The following PSG5 variants were observed in gnomAD, a reference collection of about 807,000 sequenced individuals.
PSG5 encodes pregnancy-specific beta-1-glycoprotein 5.
Under a neutral mutation model 37.7 loss-of-function variants are expected in PSG5, and 53 were observed. The observed-to-expected ratio is 1.41, with a 90% confidence interval of 1.13 to 1.77. PSG5 has a LOEUF of 1.77. Ranked by LOEUF, PSG5 falls within the 40% of genes most tolerant of loss-of-function variation. PSG5 has a pLI of 0.00. For missense variants in PSG5, 547 were observed against 405.2 expected (o/e 1.35, Z -3.00); for synonymous variants, 221 against 155.4 (o/e 1.42, Z -3.14).
rs749877145 is a variant in PSG5 at position 43,184,768 on chromosome 19, G to A, written c.430+14C>T. On this transcript the variant is annotated intron_variant, in intron 2 of 5. Transcript: ENST00000342951. ...CTGTCCCCCAACACCCAGGGATCAT[G>A]TGGAATCACTCACGGTATAAGTTGA... is the stretch of plus-strand genomic sequence containing the variant. The A allele has an allele frequency of 1.9e-6, 3 of 1,611,974 alleles. No homozygotes were observed. The East Asian group carries it at 6.7e-5, about 36-fold the overall frequency.
chr19:43,181,979 C>T (rs961432376), intron 2 of PSG5, among the ~76,000 whole-genome samples: 5 of 151,646 alleles, frequency 3.3e-5, no homozygotes, highest in African/African-American at 1.2e-4. Context: ...CCTGTCCAGC[C>T]TCTGACACCC....
At chr19:43,170,173 G>C (rs150432755) in intron 4 of PSG5, 35 bp from the exon 5 acceptor site, 15,460 of 1,536,184 alleles carry the variant, frequency 0.01, 520 homozygotes, top group African/African-American at 0.07. Context: ...AGGAATGAAG[G>C]TGATGTTATT....
Position 43,186,536 on chromosome 19 carries a change from C to T in PSG5, c.-131G>A. 1.4e-6 allele frequency: 2 copies of T among 1,435,372 alleles called. No individual in the cohort carries two copies. Among genetic ancestry groups the T allele is most frequent in the Non-Finnish European group, 1.9e-6 (2 of 1,068,904 alleles). The allele number at this position is 1,435,372 out of a possible 1,614,324, so 88.9% of individuals were successfully genotyped here. A position where few individuals can be genotyped will look rare whatever the true frequency, so the allele number is the denominator to read the frequency against. On this transcript the variant is annotated 5_prime_UTR_variant, in exon 1 of 6. Transcript: ENST00000342951. Reference sequence around the variant, plus strand: ...CTCTCTCCAGGGCAGGAGCACTTCTCAGGCTCATGGGTGGGGTCAGGCCCA... The same window carrying T: ...CTCTCTCCAGGGCAGGAGCACTTCTTAGGCTCATGGGTGGGGTCAGGCCCA...
At chr19:43,178,992 T>C in intron 2 of PSG5, 3 of 1,612,686 alleles carry the variant, frequency 1.9e-6, no homozygotes, top group Non-Finnish European at 2.5e-6. Flanking sequence ...GAGGGTCCTG[T>C]TGGTTTTGGA....
intron 4 of PSG5, chr19:43,175,010 G>T: frequency 3.4e-6 from 5 of 1,461,330 alleles, no homozygotes; most frequent in Non-Finnish European, 4.6e-6. Context: ...TCTTAGGCCA[G>T]ACACAAGGTC....
Position 43,175,888 on chromosome 19 carries a change from C to A in PSG5, c.691G>T (p.Val231Phe). Residue 231 changes from valine to phenylalanine, a missense_variant, in exon 3 of 6, where the codon GTC (valine) becomes TTC (phenylalanine). Transcript: ENST00000342951. ...TACTCACAGAGGACATTCAGGGTGA[C>A]TGGGTCACTGCGCATGCCACCATCT... The part of the protein sequence containing the change: ...DRDGGMRSDP[V>F]TLNVLYGPDL... The A allele has an allele frequency of 6.2e-7, 1 of 1,612,508 alleles. No homozygotes were observed.
rs1406734524 is a variant in PSG5, at chr19:43,175,316, A to T, written c.863T>A (p.Ile288Asn). 1.2e-6 allele frequency: 2 copies of T among 1,612,706 alleles called. No homozygotes were observed. The highest frequency in any genetic ancestry group is 2.2e-5 in the South Asian group (2 of 91,056). Residue 288 changes from isoleucine (I) to asparagine (N), a missense_variant, in exon 4 of 6, where the codon ATC becomes AAC. Coordinates refer to ENST00000342951, the MANE Select transcript of PSG5 (RefSeq NM_002781.4). ...TCTATGCTTTGTAGTAATTTGGGGGATAGAGAGCTTTTGTCCTGATTGCTG... is the reference window on the plus strand; with the variant it reads ...TCTATGCTTTGTAGTAATTTGGGGGTTAGAGAGCTTTTGTCCTGATTGCTG... ...KFQQSGQKLS[I>N]PQITTKHRGL...
chr19:43,186,379 GC>G lies in PSG5; in HGVS notation c.26del (p.Cys9SerfsTer17). The G allele has an allele frequency of 6.2e-7, 1 of 1,612,344 alleles. No homozygotes were observed. The highest frequency in any genetic ancestry group is 1.3e-5 in the African/African-American group (1 of 74,656). MGPLSAPP[C>X]TQHITWKGLL... ...GCCCCTTCCAGGTGATGTGCTGTGT[GC>G]AGGGAGGGGCTGAGAGGGGCCCCAT... On this transcript the variant is annotated frameshift_variant, in exon 1 of 6. Coordinates refer to ENST00000342951, the MANE Select transcript of PSG5 (RefSeq NM_002781.4). LOFTEE classifies it high-confidence loss of function.
intron 4 of PSG5, chr19:43,170,380 G>A (rs1323570371): frequency 1.1e-5 from 6 of 552,068 alleles, no homozygotes; most frequent in Non-Finnish European, 1.7e-5. Context: ...TATTTTGGAA[G>A]GCTTTCAGAC....
At chr19:43,182,717 T>TTTTTTTTTTTTTTTTTTTTC (rs1969155385) in intron 2 of PSG5, among the ~76,000 whole-genome samples, 1 of 123,014 alleles carries the variant, frequency 8.1e-6, no homozygotes, top group Non-Finnish European at 1.7e-5. Flanking sequence ...TTTTTTTTTT[T>TTTTTTTTTTTTTTTTTTTTC]TTTTTTGTGC....
chr19:43,178,963 T>G lies in PSG5; in HGVS notation c.431-2815A>C, dbSNP rs755740735. The G allele has an allele frequency of 3.1e-6, 5 of 1,612,612 alleles. No individual in the cohort carries two copies. In the South Asian group the frequency reaches 5.5e-5, roughly 18 times the overall value. On this transcript the variant is annotated intron_variant, in intron 2 of 5. Coordinates refer to ENST00000342951, the MANE Select transcript of PSG5 (RefSeq NM_002781.4). The stretch of plus-strand genomic sequence containing the variant: ...CATTCATAGGGTCCTGCAATATACT[T>G]TGTGACACCAAATATAAAGAGGGTC...
rs375767575 is a variant in PSG5 at position 43,185,035 on chromosome 19, A to G, written c.177T>C (p.Pro59=). 105 of 1,612,512 alleles carry G rather than the reference A, an allele frequency of 6.5e-5. 4 individuals are homozygous for G. The highest frequency in any genetic ancestry group is 4.9e-4 in the Middle Eastern group (3 of 6,074). Residue 59 remains proline, a synonymous_variant, in exon 2 of 6, where the codon CCT becomes CCC. Coordinates refer to ENST00000342951, the MANE Select transcript of PSG5 (RefSeq NM_002781.4). The part of the protein sequence containing the change: ...KDVLLLVHNL[P]QNLAGYIWYK... ...ACCAGATGTAGCCAGCAAGATTCTG[A>G]GGCAAATTGTGGACAAGTAGAAGAA...
intron 2 of PSG5, chr19:43,178,930 G>A (rs749690288): frequency 4.0e-5 from 64 of 1,612,752 alleles, no homozygotes; most frequent in Admixed American, 1.3e-4. Context: ...ACTGGGTTCC[G>A]TATTTCACAT....
chr19:43,180,980 G>C (rs1397528697), intron 2 of PSG5, among the ~76,000 whole-genome samples: 1 of 151,668 alleles, frequency 6.6e-6, no homozygotes, highest in African/African-American at 2.4e-5. Flanking sequence ...ACAGGTATGT[G>C]AAATGCTTTC....
chr19:43,178,170 T>C (rs948964132), intron 2 of PSG5, among the ~76,000 whole-genome samples: 10 of 151,614 alleles, frequency 6.6e-5, no homozygotes, highest in East Asian at 1.9e-4. Context: ...TCTTCCCTGA[T>C]AGCTAGATAG....
At position 43,176,081 on chromosome 19, in the gene PSG5, G is replaced by A; in HGVS notation, c.498C>T (p.Ala166=). ...SKPRENKDVL[A]FTCEPKSENY... ...TCTCACTCTTAGGTTCACAGGTGAA[G>A]GCTAAGACATCCTTATTCTCCCTGG... is the stretch of plus-strand genomic sequence containing the variant. Residue 166 remains alanine, a synonymous_variant, in exon 3 of 6, where the codon GCC becomes GCT. Coordinates refer to ENST00000342951, the MANE Select transcript of PSG5 (RefSeq NM_002781.4). 1 of 1,610,928 alleles carries A rather than the reference G, an allele frequency of 6.2e-7. No homozygotes were observed. The highest frequency in any genetic ancestry group is 8.5e-7 in the Non-Finnish European group (1 of 1,179,132).
At chr19:43,174,507 C>T (rs1428907774) in intron 4 of PSG5, 1 of 783,570 alleles carries the variant, frequency 1.3e-6, no homozygotes, top group Non-Finnish European at 1.5e-6. Flanking sequence ...ATGCTGTGCC[C>T]ACAACCTCAT....
intron 1 of PSG5, 41 bp from the exon 2 acceptor site, chr19:43,185,188 G>T: frequency 1.3e-6 from 2 of 1,548,490 alleles, no homozygotes; most frequent in Non-Finnish European, 8.7e-7. Flanking sequence ...TGAGACCTGT[G>T]TATTGGGGTG....
intron 3 of PSG5, 148 bp downstream of exon 3, chr19:43,175,722 T>C: frequency 6.7e-7 from 1 of 1,482,280 alleles, no homozygotes; most frequent in Admixed American, 2.3e-5. Flanking sequence ...CCTACCTAGG[T>C]TTTCCAAGGG....
Sources: gnomAD v4.1 joint callset for allele counts (sites outside exome capture counted in the v4.1 genomes callset) on GRCh38, gnomAD v4.1.1 for gene constraint, MANE v1.5 for transcripts, NCBI Gene and HGNC (gene_info 2026-07-23, HGNC 2026-07-21) for gene names.